TWSG1: variants seen among roughly 807,000 people sequenced by gnomAD.
TWSG1 encodes twisted gastrulation protein homolog 1.
In TWSG1, 15 loss-of-function variants were observed where a neutral mutation model predicts 23.0. The ratio of observed to expected loss-of-function variants is 0.65; its 90% CI spans 0.44 to 1.00. The LOEUF (loss-of-function observed/expected upper bound fraction) is 1.00, where lower values mean the gene tolerates loss of function less well. Ranked by LOEUF, TWSG1 falls within the 50% of genes least tolerant of loss-of-function variation. The pLI, the probability that TWSG1 is intolerant of heterozygous loss-of-function variation, is 0.00. For missense variants in TWSG1, 242 were observed against 278.7 expected, an observed-to-expected ratio of 0.87 and a Z score of 0.94; for synonymous variants, 86 against 92.8, an observed-to-expected ratio of 0.93 and a Z score of 0.42.
intron 2 of TWSG1, among the ~76,000 whole-genome samples, chr18:9,343,999 C>G (rs1443594): frequency 0.67 from 101,415 of 152,034 alleles, 34,292 homozygotes; most frequent in Middle Eastern, 0.75. Context: ...CTCCTGGGCT[C>G]AAACGATCCT....
chr18:9,389,928 A>T (rs2145632038), intron 3 of TWSG1, among the ~76,000 whole-genome samples: 1 of 152,380 alleles, frequency 6.6e-6, no homozygotes, highest in East Asian at 1.9e-4. Context: ...CAGTGCATAT[A>T]AAAGTTATTT....
intron 3 of TWSG1, among the ~76,000 whole-genome samples, chr18:9,384,055 C>T (rs369476672): frequency 5.0e-4 from 76 of 152,232 alleles, no homozygotes; most frequent in African/African-American, 1.5e-3. Context: ...AATTATGTTT[C>T]CAAATTCAGT....
chr18:9,348,088 G>A (rs1037160404), intron 2 of TWSG1, among the ~76,000 whole-genome samples: 1 of 152,196 alleles, frequency 6.6e-6, no homozygotes, highest in African/African-American at 2.4e-5. Context: ...CTTACAGACT[G>A]GACTTACAGC....
Position 9,337,306 on chromosome 18 carries a change from G to A in TWSG1, c.77G>A (p.Cys26Tyr), listed in dbSNP as rs749824456. ...ACATGGCTTCCAGAATCACTGAGCT[G>A]TAACAAAGCACTCTGTGCTAGTGAT... ...FLTWLPESLS[C>Y]NKALCASDVS... is the part of the protein sequence containing the mutation. Residue 26 changes from cysteine to tyrosine, a missense_variant, in exon 2 of 5, where the codon TGT (cysteine) becomes TAT (tyrosine). Coordinates refer to ENST00000262120, the MANE Select transcript of TWSG1 (RefSeq NM_020648.6). 7 of 1,613,524 alleles carry A rather than the reference G, an allele frequency of 4.3e-6. No homozygotes were observed. The highest frequency in any genetic ancestry group is 5.9e-6 in the Non-Finnish European group (7 of 1,180,004).
At chr18:9,396,925 G>C (rs577071560) in intron 4 of TWSG1, 1 of 225,558 alleles carries the variant, frequency 4.4e-6, no homozygotes, top group African/African-American at 2.3e-5. Context: ...CGGGTGTGGT[G>C]GCGGGCGCCT....
At chr18:9,349,294 A>G (rs530710383) in intron 2 of TWSG1, among the ~76,000 whole-genome samples, 1 of 152,330 alleles carries the variant, frequency 6.6e-6, no homozygotes, top group East Asian at 1.9e-4. Context: ...AAGAGTGGAA[A>G]AACTCCTATA....
intron 3 of TWSG1, among the ~76,000 whole-genome samples, chr18:9,361,950 A>T (rs1376410917): frequency 6.6e-6 from 1 of 152,114 alleles, no homozygotes; most frequent in African/African-American, 2.4e-5. Flanking sequence ...CTGTGTGAAG[A>T]CTGCTCAGTC....
chr18:9,336,668 C>G (rs931074364), intron 1 of TWSG1, among the ~76,000 whole-genome samples: 9 of 151,712 alleles, frequency 5.9e-5, no homozygotes, highest in African/African-American at 2.2e-4. Context: ...AATAATGGAC[C>G]TAAAATTAAA....
At chr18:9,396,158 A>AG (rs2040734361) in intron 3 of TWSG1, 122 bp from the exon 4 acceptor site, 2 of 844,722 alleles carry the variant, frequency 2.4e-6, no homozygotes, top group East Asian at 5.5e-5. Context: ...AAAAAAAAAA[A>AG]AAAAAAAAAA....
chr18:9,350,436 G>A (rs1372078279), intron 2 of TWSG1, among the ~76,000 whole-genome samples: 1 of 152,094 alleles, frequency 6.6e-6, no homozygotes, highest in Non-Finnish European at 1.5e-5. Flanking sequence ...AGGAAAAATT[G>A]TAAAATAACC....
At chr18:9,362,809 T>A (rs1328329833) in intron 3 of TWSG1, among the ~76,000 whole-genome samples, 1 of 152,206 alleles carries the variant, frequency 6.6e-6, no homozygotes, top group Non-Finnish European at 1.5e-5. Context: ...CTAGTTCTCA[T>A]TTTTTTAAAA....
chr18:9,387,999 A>C (rs1568039447), intron 3 of TWSG1: 1 of 152,172 alleles, frequency 6.6e-6, no homozygotes, highest in African/African-American at 2.4e-5. Context: ...AATTAATTCA[A>C]AATTCTTGTA....
intron 3 of TWSG1, among the ~76,000 whole-genome samples, chr18:9,363,002 C>T (rs887639735): frequency 2.4e-4 from 36 of 152,164 alleles, no homozygotes; most frequent in African/African-American, 8.2e-4. Flanking sequence ...CCAAATTAGG[C>T]TCTCTTAACA....
At chr18:9,356,169 C>T (rs564839264) in intron 2 of TWSG1, among the ~76,000 whole-genome samples, 1 of 152,158 alleles carries the variant, frequency 6.6e-6, no homozygotes, top group Non-Finnish European at 1.5e-5. Flanking sequence ...TAGCTTTTAA[C>T]GTTGTATTCT....
At chr18:9,396,137 G>C (rs2040733810) in intron 3 of TWSG1, 143 bp from the exon 4 acceptor site, 2 of 685,380 alleles carry the variant, frequency 2.9e-6, no homozygotes, top group Admixed American at 3.6e-5. Flanking sequence ...CATCATTTAG[G>C]CTCACCCAGC....
intron 2 of TWSG1, among the ~76,000 whole-genome samples, chr18:9,348,000 A>T (rs1191741645): frequency 6.6e-6 from 1 of 152,080 alleles, no homozygotes; most frequent in Non-Finnish European, 1.5e-5. Context: ...TCAAATGTAT[A>T]CATTTCTTTG....
chr18:9,378,140 A>G (rs1234523060), intron 3 of TWSG1, among the ~76,000 whole-genome samples: 1 of 152,262 alleles, frequency 6.6e-6, no homozygotes, highest in Non-Finnish European at 1.5e-5. Flanking sequence ...TCAGCCACAG[A>G]CTAGGAGAAA....
At chr18:9,354,394 T>C (rs761948467) in intron 2 of TWSG1, among the ~76,000 whole-genome samples, 1 of 152,184 alleles carries the variant, frequency 6.6e-6, no homozygotes, top group Non-Finnish European at 1.5e-5. Flanking sequence ...TCAGGGAACT[T>C]GGTGTTTAGT....
At chr18:9,364,643 A>G (rs1405579971) in intron 3 of TWSG1, among the ~76,000 whole-genome samples, 2 of 152,018 alleles carry the variant, frequency 1.3e-5, no homozygotes, top group Non-Finnish European at 2.9e-5. Flanking sequence ...AAAATACAAA[A>G]ATTAGCCAGG....
Sources: allele counts gnomAD v4.1 joint callset (sites outside exome capture counted in the v4.1 genomes callset), GRCh38; gene constraint gnomAD v4.1.1; transcripts MANE v1.5; gene names NCBI Gene and HGNC (gene_info 2026-07-23, HGNC 2026-07-21).